The following AGBL4 variants were observed in gnomAD, a reference collection of about 807,000 sequenced individuals.
The protein encoded by AGBL4 is cytosolic carboxypeptidase 6.
In AGBL4, 58 loss-of-function variants were observed where a neutral mutation model predicts 66.4. The ratio of observed to expected loss-of-function variants is 0.87; its 90% confidence interval spans 0.71 to 1.09. AGBL4 has a LOEUF of 1.09. Among genes scored for constraint, AGBL4 ranks in the 50% least tolerant of loss-of-function variants. AGBL4 has a pLI of 0.00. For synonymous variants in AGBL4, 234 were observed against 222.9 expected, an observed-to-expected ratio of 1.05 and a Z score of -0.44; for missense variants, 579 against 631.0, an observed-to-expected ratio of 0.92 and a Z score of 0.88.
chr1:49,123,118 G>A (rs888270930), intron 4 of AGBL4, among the ~76,000 whole-genome samples: 5 of 152,198 alleles, frequency 3.3e-5, no homozygotes, highest in East Asian at 1.9e-4. Context: ...CTCCCAAAGC[G>A]CTAGGATTAC....
At chr1:49,637,540 C>T (rs1420204801) in intron 3 of AGBL4, among the ~76,000 whole-genome samples, 7 of 151,938 alleles carry the variant, frequency 4.6e-5, no homozygotes, top group African/African-American at 1.5e-4. Flanking sequence ...TGACCTCAGG[C>T]GATCTGCATG....
intron 6 of AGBL4, among the ~76,000 whole-genome samples, chr1:48,733,231 G>T (rs1451093935): frequency 6.6e-6 from 1 of 152,134 alleles, no homozygotes; most frequent in Non-Finnish European, 1.5e-5. Flanking sequence ...TTTACATGAT[G>T]CTGGGAAGGA....
intron 6 of AGBL4, among the ~76,000 whole-genome samples, chr1:48,776,250 A>G (rs1178215319): frequency 6.6e-6 from 1 of 152,226 alleles, no homozygotes; most frequent in African/African-American, 2.4e-5. Context: ...GGTAAAGAGA[A>G]GGTGAGAGAG....
intron 6 of AGBL4, among the ~76,000 whole-genome samples, chr1:48,845,433 A>G (rs1437028072): frequency 6.6e-6 from 1 of 152,228 alleles, no homozygotes; most frequent in Non-Finnish European, 1.5e-5. Flanking sequence ...TCCAGTGAGG[A>G]GCAATAGATT....
chr1:49,264,061 T>C (rs1404085946), intron 3 of AGBL4, among the ~76,000 whole-genome samples: 3 of 152,160 alleles, frequency 2.0e-5, no homozygotes, highest in Non-Finnish European at 1.5e-5. Flanking sequence ...TGTATACTTA[T>C]ATATAATCCA....
chr1:49,904,317 A>AAGTTAAGG (rs1182615747), intron 1 of AGBL4, among the ~76,000 whole-genome samples: 4 of 152,270 alleles, frequency 2.6e-5, no homozygotes, highest in Non-Finnish European at 5.9e-5. Context: ...CACCTAAGAG[A>AAGTTAAGG]AGTTAAGGGG....
rs557137287 is a variant in AGBL4, at chr1:48,696,365, A to C, written c.635-33124T>G. Reference sequence around the variant, plus strand: ...TCGAGCTGGTGACCTTCCCAAGGTCACTCAGCCAGGTGGCTCTAGGACCTG... The same window carrying C: ...TCGAGCTGGTGACCTTCCCAAGGTCCCTCAGCCAGGTGGCTCTAGGACCTG... On this transcript the variant is annotated intron_variant, in intron 6 of 13. Coordinates refer to ENST00000371839, the MANE Select transcript of AGBL4 (RefSeq NM_032785.4). Among the ~76,000 whole-genome samples, 87 of 152,258 alleles carry C rather than the reference A, an allele frequency of 5.7e-4. 1 individual carries two copies. Among genetic ancestry groups the C allele is most frequent in the African/African-American group, 2.0e-3 (83 of 41,572 alleles).
intron 6 of AGBL4, among the ~76,000 whole-genome samples, chr1:48,792,603 C>T (rs539271004): frequency 6.6e-6 from 1 of 152,240 alleles, no homozygotes; most frequent in East Asian, 1.9e-4. Flanking sequence ...AAGAAAAAGA[C>T]AGGCAGTCCA....
chr1:49,118,577 A>T (rs903478962), intron 4 of AGBL4, among the ~76,000 whole-genome samples: 2 of 152,042 alleles, frequency 1.3e-5, no homozygotes, highest in East Asian at 3.8e-4. Context: ...AAGCTTTTTG[A>T]TGTGCTGCTG....
intron 11 of AGBL4, chr1:48,583,794 A>G (rs1024234775): frequency 6.6e-6 from 1 of 151,778 alleles, no homozygotes; most frequent in Admixed American, 6.6e-5. Context: ...ACATGGAGCC[A>G]GCAGCCAACA....
At chr1:49,684,863 C>A (rs1264547694) in intron 3 of AGBL4, among the ~76,000 whole-genome samples, 1 of 152,120 alleles carries the variant, frequency 6.6e-6, no homozygotes, top group Non-Finnish European at 1.5e-5. Context: ...TTTCCTGACA[C>A]CCAGCCCAAT....
At chr1:48,621,683 A>G (rs1257633386) in intron 9 of AGBL4, among the ~76,000 whole-genome samples, 1 of 152,182 alleles carries the variant, frequency 6.6e-6, no homozygotes, top group Non-Finnish European at 1.5e-5. Context: ...AAATTATAGC[A>G]TAAGCATTTT....
chr1:49,987,649 C>T (rs1659608095), intron 1 of AGBL4, among the ~76,000 whole-genome samples: 1 of 151,876 alleles, frequency 6.6e-6, no homozygotes, highest in African/African-American at 2.4e-5. Context: ...TAAGACTGTC[C>T]ACTGAATTCA....
At chr1:48,624,924 A>G (rs1645475941) in intron 9 of AGBL4, among the ~76,000 whole-genome samples, 1 of 147,906 alleles carries the variant, frequency 6.8e-6, no homozygotes, top group Non-Finnish European at 1.5e-5. Context: ...GTGTGTGTGC[A>G]CGTGACAGTG....
intron 3 of AGBL4, among the ~76,000 whole-genome samples, chr1:49,644,383 A>ACC (rs1645843529): frequency 6.6e-6 from 1 of 151,602 alleles, no homozygotes; most frequent in Admixed American, 6.6e-5. Context: ...CAAAAGTAAG[A>ACC]TTCAACTAGG....
chr1:49,120,884 C>T (rs1645638807), intron 4 of AGBL4, among the ~76,000 whole-genome samples: 1 of 152,176 alleles, frequency 6.6e-6, no homozygotes, highest in South Asian at 2.1e-4. Flanking sequence ...TCCCATATTT[C>T]TTGGAGGCTT....
chr1:48,757,562 TG>T (rs1436535304), intron 6 of AGBL4, among the ~76,000 whole-genome samples: 2 of 152,192 alleles, frequency 1.3e-5, no homozygotes, highest in African/African-American at 4.8e-5. Flanking sequence ...TAAGTAACTC[TG>T]GGGAAGTCCC....
intron 5 of AGBL4, among the ~76,000 whole-genome samples, chr1:49,044,544 C>A (rs1644029065): frequency 6.6e-6 from 1 of 151,864 alleles, no homozygotes; most frequent in African/African-American, 2.4e-5. Flanking sequence ...TGATGCAACA[C>A]TCCCCAACCC....
At chr1:49,312,663 C>G (rs1399556844) in intron 3 of AGBL4, among the ~76,000 whole-genome samples, 1 of 151,944 alleles carries the variant, frequency 6.6e-6, no homozygotes, top group African/African-American at 2.4e-5. Context: ...CAATGGGCTA[C>G]AGATCTGAAT....
Sources: allele counts gnomAD v4.1 joint callset (sites outside exome capture counted in the v4.1 genomes callset), GRCh38; gene constraint gnomAD v4.1.1; transcripts MANE v1.5; gene names NCBI Gene and HGNC (gene_info 2026-07-23, HGNC 2026-07-21).